GAS7: variants seen among roughly 807,000 people sequenced by gnomAD.
GAS7 encodes growth arrest specific 7, also known as growth arrest-specific protein 7.
A neutral mutation model predicts 71.1 loss-of-function variants in GAS7; 28 were observed. That is an observed-to-expected ratio of 0.39 (90% CI 0.29 to 0.54). The LOEUF (loss-of-function observed/expected upper bound fraction) is 0.54. GAS7 is among the 20% of genes least tolerant of loss of function. The pLI is 0.62. For synonymous variants in GAS7, 258 were observed against 245.8 expected, an observed-to-expected ratio of 1.05 and a Z score of -0.46; for missense variants, 436 against 627.8, an observed-to-expected ratio of 0.69 and a Z score of 3.27.
At position 9,921,161 on chromosome 17, in the gene GAS7, T is replaced by C. The variant is rs138431081; in HGVS notation, c.1139-1456A>G. ...CACCGTAAAATGCATTTTTTTCTTTTTTTTTTTTTTTTTGAGACGGAGTCT... is the reference window on the plus strand; with the variant it reads ...CACCGTAAAATGCATTTTTTTCTTTCTTTTTTTTTTTTTGAGACGGAGTCT... On this transcript the variant is annotated intron_variant, in intron 11 of 13. Transcript: ENST00000432992. Among the ~76,000 whole-genome samples, 781 of 150,034 alleles carry C rather than the reference T, an allele frequency of 5.2e-3. 7 individuals are homozygous for C. Among genetic ancestry groups the C allele is most frequent in the African/African-American group, 0.018 (732 of 40,856 alleles).
At chr17:9,956,373 C>G (rs1467144966) in intron 5 of GAS7, among the ~76,000 whole-genome samples, 3 of 152,138 alleles carry the variant, frequency 2.0e-5, no homozygotes, top group Non-Finnish European at 4.4e-5. Flanking sequence ...AGCCCCTACC[C>G]CGGGTTCTGT....
At chr17:10,118,366 G>A (rs1425298194) in intron 1 of GAS7, among the ~76,000 whole-genome samples, 3 of 152,150 alleles carry the variant, frequency 2.0e-5, no homozygotes, top group African/African-American at 7.2e-5. Context: ...TACCTGGTCA[G>A]CCTCTCCGGC....
intron 1 of GAS7, among the ~76,000 whole-genome samples, chr17:10,173,761 C>A (rs562999381): frequency 5.9e-4 from 89 of 150,532 alleles, no homozygotes; most frequent in African/African-American, 2.1e-3. Context: ...GAGCTAGACT[C>A]CGTCTCAAAA....
intron 1 of GAS7, 119 bp downstream of exon 1, chr17:10,198,089 T>C (rs2074553938): frequency 2.2e-6 from 2 of 925,502 alleles, no homozygotes; most frequent in Non-Finnish European, 3.3e-6. Flanking sequence ...CGGCAAGGGC[T>C]GCCCCCCGGG....
intron 9 of GAS7, among the ~76,000 whole-genome samples, chr17:9,929,729 G>A (rs1267297292): frequency 1.3e-5 from 2 of 151,964 alleles, no homozygotes; most frequent in Non-Finnish European, 2.9e-5. Flanking sequence ...CGCCCGCCTC[G>A]GCCTCCCAAA....
intron 3 of GAS7, among the ~76,000 whole-genome samples, chr17:9,970,847 G>A (rs1009141690): frequency 9.9e-5 from 15 of 152,190 alleles, no homozygotes; most frequent in Admixed American, 2.6e-4. Flanking sequence ...CCCCAACGCC[G>A]CTACACGCAC....
intron 1 of GAS7, among the ~76,000 whole-genome samples, chr17:10,132,494 G>A (rs182725333): frequency 3.3e-5 from 5 of 152,274 alleles, no homozygotes; most frequent in African/African-American, 7.2e-5. Flanking sequence ...GGCCAGGCAC[G>A]GTGGCTCATG....
At chr17:10,039,409 C>T (rs182430879) in intron 1 of GAS7, among the ~76,000 whole-genome samples, 10 of 152,120 alleles carry the variant, frequency 6.6e-5, no homozygotes, top group Admixed American at 2.0e-4. Context: ...GGACCAGGGA[C>T]GGTGGCTCAC....
At chr17:10,121,175 G>C (rs1467310490) in intron 1 of GAS7, among the ~76,000 whole-genome samples, 1 of 152,224 alleles carries the variant, frequency 6.6e-6, no homozygotes, top group Non-Finnish European at 1.5e-5. Flanking sequence ...GAGGTCGGGA[G>C]TTTGAGACCA....
At chr17:9,956,941 G>A (rs1422315364) in intron 5 of GAS7, among the ~76,000 whole-genome samples, 1 of 152,204 alleles carries the variant, frequency 6.6e-6, no homozygotes, top group Non-Finnish European at 1.5e-5. Flanking sequence ...GCTGGGCATG[G>A]GAGAGCGGTG....
Position 10,150,177 on chromosome 17 carries a change from C to T in GAS7, c.183+48031G>A, listed in dbSNP as rs187071338. On this transcript the variant is annotated intron_variant, in intron 1 of 13. Transcript: ENST00000432992. ...AGACCTAGAAATAGTGGTTAACCAACTAATCAGGAATTAAAAGGGCAGCAT... is the reference window on the plus strand; with the variant it reads ...AGACCTAGAAATAGTGGTTAACCAATTAATCAGGAATTAAAAGGGCAGCAT... Among the ~76,000 whole-genome samples the T allele has an allele frequency of 7.8e-4, 118 of 152,186 alleles. 1 individual carries two copies. Among genetic ancestry groups the T allele is most frequent in the Non-Finnish European group, 3.2e-4 (22 of 68,014 alleles).
At chr17:10,120,893 A>C (rs2073899603) in intron 1 of GAS7, among the ~76,000 whole-genome samples, 1 of 152,104 alleles carries the variant, frequency 6.6e-6, no homozygotes, top group South Asian at 2.1e-4. Context: ...CCCTCCTCTC[A>C]TCCTTTCTCA....
chr17:10,080,732 G>T (rs1416956820), intron 1 of GAS7, among the ~76,000 whole-genome samples: 2 of 152,196 alleles, frequency 1.3e-5, no homozygotes, highest in Non-Finnish European at 1.5e-5. Context: ...GTTGTTCATA[G>T]AACTCAAGGA....
intron 9 of GAS7, among the ~76,000 whole-genome samples, chr17:9,929,628 C>T (rs8081203): frequency 0.037 from 5,582 of 152,164 alleles, 277 homozygotes; most frequent in African/African-American, 0.089. Context: ...GCACCCGCCA[C>T]CAAACCTGGC....
In GAS7 at chr17:9,919,029, T is replaced by G. The variant is rs112271686; in HGVS notation, c.1218+597A>C. ...GGGCTGATCCGATGAGCACCTGGCATGATGCCTCCTGTCCCATCTGGCCCA... is the reference window on the plus strand; with the variant it reads ...GGGCTGATCCGATGAGCACCTGGCAGGATGCCTCCTGTCCCATCTGGCCCA... On this transcript the variant is annotated intron_variant, in intron 12 of 13. Coordinates refer to ENST00000432992, the MANE Select transcript of GAS7 (RefSeq NM_201433.2). This position sits in a 1 kb window ranked among gnomAD's most constrained non-coding sequence, Gnocchi z 5.0. Among the ~76,000 whole-genome samples, 1,142 of 152,292 alleles carry G rather than the reference T, an allele frequency of 7.5e-3. 13 individuals are homozygous for G. The highest frequency in any genetic ancestry group is 0.026 in the African/African-American group (1,074 of 41,568).
chr17:10,055,627 CAGGCCCATTCAGCCACCGCTGG>C (rs1210793302), intron 1 of GAS7, among the ~76,000 whole-genome samples: 4 of 152,214 alleles, frequency 2.6e-5, no homozygotes, highest in Admixed American at 2.6e-4. Context: ...GGAGACAGTC[CAGGCCCATTCAGCCACCGCTGG>C]AGGCCAGCAG....
At chr17:9,989,103 C>T (rs982618656) in intron 2 of GAS7, among the ~76,000 whole-genome samples, 2 of 152,058 alleles carry the variant, frequency 1.3e-5, no homozygotes, top group African/African-American at 4.8e-5. Flanking sequence ...TCTGTCTCAG[C>T]CTCCCAAAGT....
intron 1 of GAS7, among the ~76,000 whole-genome samples, chr17:10,185,475 C>G (rs549688963): frequency 1.3e-5 from 2 of 152,276 alleles, no homozygotes; most frequent in East Asian, 1.9e-4. Flanking sequence ...TCCTGGGAAA[C>G]TTAGAAAAAT....
chr17:10,018,092 A>T (rs552733214), intron 2 of GAS7, among the ~76,000 whole-genome samples: 4 of 152,284 alleles, frequency 2.6e-5, no homozygotes, highest in Non-Finnish European at 5.9e-5. Context: ...AAAGATGTCC[A>T]CATACACTGT....
Sources: gnomAD v4.1 joint callset for allele counts (sites outside exome capture counted in the v4.1 genomes callset) on GRCh38, gnomAD v4.1.1 for gene constraint, Gnocchi (gnomAD v3.1) non-coding constraint, MANE v1.5 for transcripts, NCBI Gene and HGNC (gene_info 2026-07-23, HGNC 2026-07-21) for gene names.